TMEM232: variants seen among roughly 807,000 people sequenced by gnomAD.
TMEM232 encodes the protein transmembrane protein 232.
In TMEM232, 80 loss-of-function variants were observed where a neutral mutation model predicts 78.8. The ratio of observed to expected loss-of-function variants is 1.01; its 90% CI spans 0.85 to 1.22. TMEM232 has a LOEUF of 1.22. Among genes scored for constraint, TMEM232 ranks in the 50% most tolerant of loss-of-function variants. TMEM232 has a pLI of 0.00. For missense variants in TMEM232, 881 were observed against 742.2 expected (o/e 1.19, Z -2.17); for synonymous variants, 297 against 254.3 (o/e 1.17, Z -1.60).
At chr5:110,498,597 G>T (rs1475087933) in intron 12 of TMEM232, among the ~76,000 whole-genome samples, 1 of 152,124 alleles carries the variant, frequency 6.6e-6, no homozygotes, top group Non-Finnish European at 1.5e-5. Flanking sequence ...TTGAATTCTT[G>T]AAAGAAAGGG....
intron 1 of TMEM232, among the ~76,000 whole-genome samples, chr5:110,735,296 C>T (rs142361045): frequency 6.6e-6 from 1 of 152,278 alleles, no homozygotes; most frequent in East Asian, 1.9e-4. Flanking sequence ...CAATCTGCAA[C>T]TTTTCATTTG....
At chr5:110,483,924 G>A (rs762006446) in intron 12 of TMEM232, among the ~76,000 whole-genome samples, 31 of 152,246 alleles carry the variant, frequency 2.0e-4, no homozygotes, top group African/African-American at 5.8e-4. Context: ...GTTCATTAAC[G>A]ATGGATTCAG....
chr5:110,714,637 A>C (rs1796844669), intron 1 of TMEM232, among the ~76,000 whole-genome samples: 1 of 150,354 alleles, frequency 6.7e-6, no homozygotes, highest in Admixed American at 7.0e-5. Flanking sequence ...CAAACTAGAA[A>C]TAAAGAATTA....
At chr5:110,656,883 A>G (rs1789151744) in intron 2 of TMEM232, among the ~76,000 whole-genome samples, 1 of 152,062 alleles carries the variant, frequency 6.6e-6, no homozygotes, top group African/African-American at 2.4e-5. Flanking sequence ...TAGAGTTAAT[A>G]TTTTAAAAGT....
At chr5:110,672,594 T>A (rs1330988306) in intron 1 of TMEM232, among the ~76,000 whole-genome samples, 1 of 152,062 alleles carries the variant, frequency 6.6e-6, no homozygotes, top group Non-Finnish European at 1.5e-5. Flanking sequence ...AATGCCTCCA[T>A]AAATATTTAG....
At chr5:110,458,234 C>T (rs1428650897) in intron 12 of TMEM232, among the ~76,000 whole-genome samples, 1 of 151,786 alleles carries the variant, frequency 6.6e-6, no homozygotes, top group Non-Finnish European at 1.5e-5. Context: ...CCTCCTTCTT[C>T]CTTTGCGCAA....
chr5:110,717,692 G>A (rs1216027141), intron 1 of TMEM232, among the ~76,000 whole-genome samples: 1 of 152,124 alleles, frequency 6.6e-6, no homozygotes, highest in Non-Finnish European at 1.5e-5. Context: ...ACTGGATCAT[G>A]GGGTGGTTTC....
chr5:110,618,700 A>G, intron 7 of TMEM232, 138 bp from the exon 8 acceptor site: 1 of 945,340 alleles, frequency 1.1e-6, no homozygotes, highest in Non-Finnish European at 1.5e-6. Context: ...TATTTCACCA[A>G]GTGGAGCAAT....
chr5:110,682,338 T>C (rs1438173593), intron 1 of TMEM232, among the ~76,000 whole-genome samples: 2 of 152,086 alleles, frequency 1.3e-5, no homozygotes, highest in Non-Finnish European at 2.9e-5. Flanking sequence ...TGAATTGCTC[T>C]CCCTTTAAAA....
In TMEM232 at chr5:110,456,732, A is replaced by G. The variant is rs148187221; in HGVS notation, c.1704-31816T>C. On this transcript the variant is annotated intron_variant, in intron 12 of 13. Transcript: ENST00000455884. ...AAACATACCTGCACATACACAGTCA[A>G]CTGCATTTTGACAAGGTTCAAATGC... is the stretch of plus-strand genomic sequence containing the variant. Among the ~76,000 whole-genome samples, 337 of 152,260 alleles carry G rather than the reference A, an allele frequency of 2.2e-3. 1 individual carries two copies. The highest frequency in any genetic ancestry group is 6.9e-3 in the African/African-American group (287 of 41,574).
At chr5:110,718,878 GA>G (rs1797294081) in intron 1 of TMEM232, among the ~76,000 whole-genome samples, 1 of 151,892 alleles carries the variant, frequency 6.6e-6, no homozygotes, top group South Asian at 2.1e-4. Flanking sequence ...TCAAATCTAT[GA>G]TTGAGACCCT....
chr5:110,705,056 A>G (rs466744), intron 1 of TMEM232, among the ~76,000 whole-genome samples: 144,626 of 152,176 alleles, frequency 0.95, 69,093 homozygotes, highest in Non-Finnish European at 1. Flanking sequence ...AGAGAATGTG[A>G]AAAGCCTTTT....
chr5:110,434,551 T>C (rs1265632350), intron 12 of TMEM232, among the ~76,000 whole-genome samples: 3 of 152,010 alleles, frequency 2.0e-5, no homozygotes, highest in Non-Finnish European at 4.4e-5. Context: ...CTGGTACAAA[T>C]GCCACTGAAA....
rs190835654 is a variant in TMEM232, at chr5:110,694,042, C to G, written c.-12-26678G>C. 9.2e-5 allele frequency among the ~76,000 whole-genome samples: 14 copies of G among 151,958 alleles called. No individual in the cohort carries two copies. In the South Asian group the frequency reaches 2.1e-3, roughly 23 times the overall value. ...TTGAAATGAAGGAAAAAATGTTAAG[C>G]GCAACCACAGAGAAAGGTCGGGATA... On this transcript the variant is annotated intron_variant, in intron 1 of 13. Transcript: ENST00000455884.
At chr5:110,441,266 G>A (rs937862353) in intron 12 of TMEM232, among the ~76,000 whole-genome samples, 3 of 152,158 alleles carry the variant, frequency 2.0e-5, no homozygotes, top group Admixed American at 2.0e-4. Flanking sequence ...TATGATAATC[G>A]AAGATTTCTA....
At chr5:110,436,167 A>G (rs1199901430) in intron 12 of TMEM232, among the ~76,000 whole-genome samples, 1 of 151,872 alleles carries the variant, frequency 6.6e-6, no homozygotes, top group East Asian at 1.9e-4. Context: ...GAGTGAAGGG[A>G]TATCTCGTTG....
chr5:110,647,876 CTATAGT>C (rs1410600652), intron 2 of TMEM232, among the ~76,000 whole-genome samples: 1 of 151,928 alleles, frequency 6.6e-6, no homozygotes, highest in African/African-American at 2.4e-5. Flanking sequence ...CACACTATAT[CTATAGT>C]TAAATATTTT....
chr5:110,659,444 G>A (rs1443287156), intron 2 of TMEM232, among the ~76,000 whole-genome samples: 5 of 152,126 alleles, frequency 3.3e-5, no homozygotes, highest in Non-Finnish European at 7.4e-5. Context: ...GTTGTCCCAG[G>A]CTGGTACACT....
chr5:110,563,214 C>T (rs545857143), intron 11 of TMEM232, among the ~76,000 whole-genome samples: 1 of 151,914 alleles, frequency 6.6e-6, no homozygotes, highest in Non-Finnish European at 1.5e-5. Flanking sequence ...TAATTCTCAG[C>T]GCTGACTACT....
Sources: gnomAD v4.1 joint callset for allele counts (sites outside exome capture counted in the v4.1 genomes callset) on GRCh38, gnomAD v4.1.1 for gene constraint, MANE v1.5 for transcripts, NCBI Gene and HGNC (gene_info 2026-07-23, HGNC 2026-07-21) for gene names.